Variants in DSE observed in about 807,000 individuals in gnomAD.
DSE encodes dermatan sulfate epimerase.
A neutral mutation model predicts 84.4 loss-of-function variants in DSE; 36 were observed. The observed-to-expected ratio is 0.43, with a 90% CI of 0.33 to 0.56. DSE has a LOEUF of 0.56. DSE is among the 20% of genes least tolerant of loss of function. The pLI is 0.06. For synonymous variants in DSE, 410 were observed against 430.1 expected, an observed-to-expected ratio of 0.95 and a Z score of 0.58; for missense variants, 862 against 1,169.6, an observed-to-expected ratio of 0.74 and a Z score of 3.84.
chr6:116,361,261 A>G (rs925149527), intron 2 of DSE, among the ~76,000 whole-genome samples: 2 of 151,950 alleles, frequency 1.3e-5, no homozygotes, highest in Non-Finnish European at 2.9e-5. Context: ...GGGTTTCACC[A>G]TGTTGGGCAG....
At chr6:116,263,216 T>C (rs1047072895) in intron 2 of DSE, among the ~76,000 whole-genome samples, 2 of 152,158 alleles carry the variant, frequency 1.3e-5, no homozygotes, top group Non-Finnish European at 2.9e-5. Flanking sequence ...TGTGTTAAAG[T>C]CTCCCGCTAT....
At chr6:116,271,779 G>A (rs1484297295) in intron 2 of DSE, among the ~76,000 whole-genome samples, 1 of 152,110 alleles carries the variant, frequency 6.6e-6, no homozygotes, top group East Asian at 1.9e-4. Flanking sequence ...CTGGAGATGG[G>A]CAAATGAAGT....
At chr6:116,420,242 C>T (rs1782982210) in intron 2 of DSE, among the ~76,000 whole-genome samples, 2 of 152,108 alleles carry the variant, frequency 1.3e-5, no homozygotes, top group South Asian at 4.1e-4. Flanking sequence ...ATTAAATAGA[C>T]AGTTGCTATG....
intron 2 of DSE, among the ~76,000 whole-genome samples, chr6:116,271,124 T>C (rs1160182996): frequency 6.6e-6 from 1 of 152,210 alleles, no homozygotes; most frequent in Non-Finnish European, 1.5e-5. Context: ...TTTGCTTTAT[T>C]TTGTTTTTAT....
chr6:116,255,157 TTA>T (rs1346820343), intron 1 of DSE: 1 of 152,234 alleles, frequency 6.6e-6, no homozygotes, highest in East Asian at 1.9e-4. Flanking sequence ...TTTTGCATAT[TTA>T]TGTTTAATGT....
chr6:116,399,807 C>T, intron 2 of DSE, 141 bp downstream of exon 2: 7 of 798,464 alleles, frequency 8.8e-6, no homozygotes, highest in Non-Finnish European at 1.2e-5. Flanking sequence ...ATTTGTGTTG[C>T]CAGTCTTATG....
chr6:116,410,373 C>T (rs1782240533), intron 2 of DSE, among the ~76,000 whole-genome samples: 1 of 152,066 alleles, frequency 6.6e-6, no homozygotes, highest in Non-Finnish European at 1.5e-5. Flanking sequence ...ATAGTTCATC[C>T]AAATGTGCAT....
chr6:116,413,363 T>G (rs1215264579), intron 2 of DSE, among the ~76,000 whole-genome samples: 1 of 152,178 alleles, frequency 6.6e-6, no homozygotes, highest in African/African-American at 2.4e-5. Flanking sequence ...AAATACAAAA[T>G]TTTTTCCAGA....
chr6:116,304,329 A>G (rs1036328824), intron 2 of DSE, among the ~76,000 whole-genome samples: 1 of 151,262 alleles, frequency 6.6e-6, no homozygotes, highest in Non-Finnish European at 1.5e-5. Context: ...ACCTTTGCAT[A>G]TCTGAAATTT....
At chr6:116,313,582 T>C (rs1775812091) in intron 2 of DSE, among the ~76,000 whole-genome samples, 1 of 152,230 alleles carries the variant, frequency 6.6e-6, no homozygotes, top group African/African-American at 2.4e-5. Context: ...ATTGCAAGCA[T>C]AGCTGGAGTA....
intron 2 of DSE, chr6:116,276,847 A>G (rs1439084358): frequency 6.6e-6 from 1 of 152,226 alleles, no homozygotes; most frequent in African/African-American, 2.4e-5. Context: ...GAAAAAAGAT[A>G]TATCACTTAC....
At chr6:116,295,856 T>A (rs1774631901) in intron 2 of DSE, among the ~76,000 whole-genome samples, 1 of 152,188 alleles carries the variant, frequency 6.6e-6, no homozygotes, top group South Asian at 2.1e-4. Flanking sequence ...TGAGGAAAAT[T>A]TTTCCATAAT....
chr6:116,436,384 A>G lies in DSE; in HGVS notation c.1916A>G (p.Tyr639Cys), dbSNP rs1784155007. The stretch of plus-strand genomic sequence containing the variant: ...GCCTCAGTGACATATCCTCGGGGCT[A>G]TCCCTACAATGGGACAAACTATGTG... ...TFASVTYPRG[Y>C]PYNGTNYVNV... Residue 639 changes from tyrosine to cysteine, a missense_variant, in exon 6 of 6, where the codon TAT (tyrosine) becomes TGT (cysteine). Physicochemically the swap from Tyr to Cys is radical, Grantham distance 194. Transcript: ENST00000644252. 4.3e-6 allele frequency: 7 copies of G among 1,614,152 alleles called. No homozygotes were observed. The highest frequency in any genetic ancestry group is 2.2e-5 in the South Asian group (2 of 91,076).
chr6:116,353,571 A>C (rs891890185), intron 2 of DSE, among the ~76,000 whole-genome samples: 1 of 152,218 alleles, frequency 6.6e-6, no homozygotes, highest in African/African-American at 2.4e-5. Context: ...CCAACACTTT[A>C]CATTCTTTAT....
chr6:116,275,429 G>T (rs1773087930), intron 2 of DSE, among the ~76,000 whole-genome samples: 1 of 152,190 alleles, frequency 6.6e-6, no homozygotes, highest in African/African-American at 2.4e-5. Context: ...ATCTTTCTGA[G>T]AACTAGGTTA....
chr6:116,279,712 C>T (rs1773382401), intron 2 of DSE: 1 of 1,611,204 alleles, frequency 6.2e-7, no homozygotes. Flanking sequence ...TGTCGCCTCG[C>T]TTTGGTCGCG....
intron 1 of DSE, among the ~76,000 whole-genome samples, chr6:116,389,205 A>T (rs948321678): frequency 2.0e-5 from 3 of 152,150 alleles, no homozygotes; most frequent in African/African-American, 4.8e-5. Flanking sequence ...CAGCTAATTT[A>T]AGCTTCACAG....
intron 2 of DSE, among the ~76,000 whole-genome samples, chr6:116,336,746 ACT>A (rs1361939574): frequency 1.8e-5 from 2 of 112,230 alleles, no homozygotes; most frequent in African/African-American, 6.2e-5. Flanking sequence ...CAAGAGCAAA[ACT>A]CCATCTCAAA....
intron 2 of DSE, among the ~76,000 whole-genome samples, chr6:116,337,160 A>T (rs1006190564): frequency 7.9e-5 from 12 of 152,240 alleles, no homozygotes; most frequent in Admixed American, 7.9e-4. Flanking sequence ...ATAGCTGATA[A>T]GTGGTAGAGC....
Sources: gnomAD v4.1 joint callset for allele counts (sites outside exome capture counted in the v4.1 genomes callset) on GRCh38, gnomAD v4.1.1 for gene constraint, MANE v1.5 for transcripts, NCBI Gene and HGNC (gene_info 2026-07-23, HGNC 2026-07-21) for gene names.